CACNA2D3: variants seen among roughly 807,000 people sequenced by gnomAD.
The protein encoded by CACNA2D3 is calcium voltage-gated channel auxiliary subunit alpha2delta 3.
Under a neutral mutation model 160.6 loss-of-function variants are expected in CACNA2D3, and 60 were observed. That is an observed-to-expected ratio of 0.37 (90% confidence interval 0.30 to 0.46). The LOEUF (loss-of-function observed/expected upper bound fraction) is 0.46, where lower values mean the gene tolerates loss of function less well. CACNA2D3 is among the 20% of genes least tolerant of loss of function. The pLI is 1.00. For synonymous variants in CACNA2D3, 558 were observed against 492.9 expected (o/e 1.13, Z -1.75); for missense variants, 1,205 against 1,365.0 (o/e 0.88, Z 1.85).
chr3:54,674,135 C>A (rs1700201644), intron 11 of CACNA2D3, among the ~76,000 whole-genome samples: 1 of 152,190 alleles, frequency 6.6e-6, no homozygotes. Context: ...TATTTGGGAG[C>A]AGTAATAACA....
At chr3:54,128,679 G>A (rs1699646893) in intron 2 of CACNA2D3, among the ~76,000 whole-genome samples, 1 of 152,282 alleles carries the variant, frequency 6.6e-6, no homozygotes, top group South Asian at 2.1e-4. Context: ...TCCATCTTTT[G>A]TAGTCACAGT....
chr3:54,427,343 C>A (rs1198633848), intron 4 of CACNA2D3, among the ~76,000 whole-genome samples: 2 of 152,124 alleles, frequency 1.3e-5, no homozygotes, highest in Non-Finnish European at 2.9e-5. Flanking sequence ...GGTCTCCCAT[C>A]CAGAAAATGG....
chr3:54,201,466 C>T (rs540222076), intron 2 of CACNA2D3, among the ~76,000 whole-genome samples: 1 of 152,306 alleles, frequency 6.6e-6, no homozygotes, highest in East Asian at 1.9e-4. Context: ...AAGAACATTT[C>T]ACGTAGACTC....
intron 14 of CACNA2D3, among the ~76,000 whole-genome samples, chr3:54,823,446 C>T (rs776536653): frequency 6.6e-6 from 1 of 152,008 alleles, no homozygotes; most frequent in Non-Finnish European, 1.5e-5. Context: ...TTCAATAAAA[C>T]ATACCACTAC....
Position 54,288,994 on chromosome 3 carries a change from C to T in CACNA2D3, c.205-31448C>T, listed in dbSNP as rs1469832543. Among the ~76,000 whole-genome samples the T allele has an allele frequency of 8.5e-4, 130 of 152,238 alleles. 2 individuals carry two copies. Among genetic ancestry groups the T allele is most frequent in the Non-Finnish European group, 1.0e-4 (7 of 67,994 alleles). ...AATGGGCAAAAACTGGAAGCATTCC[C>T]TTTGAAAACTGGCACAAGACAGGGA... On this transcript the variant is annotated intron_variant, in intron 2 of 37. Transcript: ENST00000474759.
intron 2 of CACNA2D3, 70 bp downstream of exon 2, chr3:54,123,664 C>A: frequency 1.6e-6 from 2 of 1,275,766 alleles, no homozygotes; most frequent in South Asian, 1.2e-5. Flanking sequence ...TTTAGTTTTC[C>A]AAACAAACGT....
intron 35 of CACNA2D3, among the ~76,000 whole-genome samples, chr3:55,044,895 C>A (rs1414033100): frequency 6.6e-6 from 1 of 152,082 alleles, no homozygotes; most frequent in Non-Finnish European, 1.5e-5. Flanking sequence ...CTTCTTTAGT[C>A]TTTAGATAAT....
intron 13 of CACNA2D3, among the ~76,000 whole-genome samples, chr3:54,794,727 G>T (rs1041462984): frequency 6.6e-6 from 1 of 151,540 alleles, no homozygotes; most frequent in South Asian, 2.1e-4. Flanking sequence ...GGCTGCTCTA[G>T]GGTCATTTGG....
intron 5 of CACNA2D3, among the ~76,000 whole-genome samples, 176 bp from the exon 6 acceptor site, chr3:54,562,624 A>G (rs1702344381): frequency 6.6e-6 from 1 of 152,210 alleles, no homozygotes; most frequent in African/African-American, 2.4e-5. Flanking sequence ...CAGGAGGGGA[A>G]TCCCCAGCAT....
chr3:54,960,447 A>G (rs1469481103), intron 27 of CACNA2D3, among the ~76,000 whole-genome samples: 4 of 152,234 alleles, frequency 2.6e-5, no homozygotes. Flanking sequence ...CTTCACTTGC[A>G]CTAGGCTAAA....
At chr3:54,575,209 G>GTAAA (rs1176111256) in intron 8 of CACNA2D3, among the ~76,000 whole-genome samples, 1 of 152,214 alleles carries the variant, frequency 6.6e-6, no homozygotes, top group Non-Finnish European at 1.5e-5. Flanking sequence ...AAGTGCACCA[G>GTAAA]TAAAACTGTA....
chr3:54,197,313 C>T (rs1018509570), intron 2 of CACNA2D3: 7 of 152,118 alleles, frequency 4.6e-5, no homozygotes, highest in African/African-American at 1.7e-4. Context: ...TTGGAGAAGT[C>T]GAGGCTTGGG....
rs574323297 is a variant in CACNA2D3, at chr3:54,878,805, C to T, written c.1711-213C>T. On this transcript the variant is annotated intron_variant, in intron 18 of 37. Transcript: ENST00000474759. ...TTTTGTTATTGTCCTGAAGTTTACA[C>T]GAGCTCCCCAAATTAAAGATGAAGG... 73 of 400,426 alleles carry T rather than the reference C, an allele frequency of 1.8e-4. No homozygotes were observed. In the Admixed American group the frequency reaches 2.2e-3, roughly 12 times the overall value. The allele number at this position is 400,426 out of a possible 1,614,324, so 24.8% of individuals were successfully genotyped here.
At chr3:54,858,378 G>A (rs1699215946) in intron 17 of CACNA2D3, among the ~76,000 whole-genome samples, 1 of 152,050 alleles carries the variant, frequency 6.6e-6, no homozygotes, top group Non-Finnish European at 1.5e-5. Context: ...TAATTTAAAG[G>A]ACCATCTCAC....
At chr3:55,052,502 T>C (rs1312901369) in intron 35 of CACNA2D3, among the ~76,000 whole-genome samples, 1 of 152,038 alleles carries the variant, frequency 6.6e-6, no homozygotes, top group African/African-American at 2.4e-5. Context: ...CTATAAATGT[T>C]ACTTAGGTAA....
intron 27 of CACNA2D3, among the ~76,000 whole-genome samples, chr3:54,956,794 A>G (rs1219203511): frequency 6.6e-6 from 1 of 152,096 alleles, no homozygotes; most frequent in Non-Finnish European, 1.5e-5. Flanking sequence ...AATATTCTAG[A>G]GTGTTTAGGT....
chr3:54,394,059 C>T (rs1699329959), intron 4 of CACNA2D3, among the ~76,000 whole-genome samples: 1 of 152,166 alleles, frequency 6.6e-6, no homozygotes, highest in Non-Finnish European at 1.5e-5. Flanking sequence ...GTAGGCATCT[C>T]ATTCACTGGG....
intron 5 of CACNA2D3, among the ~76,000 whole-genome samples, chr3:54,510,870 C>T (rs1029765427): frequency 6.6e-6 from 1 of 152,188 alleles, no homozygotes; most frequent in African/African-American, 2.4e-5. Context: ...TGACTCAGCT[C>T]CCAGCAAACC....
At chr3:54,144,006 C>G (rs1292252268) in intron 2 of CACNA2D3, among the ~76,000 whole-genome samples, 1 of 152,030 alleles carries the variant, frequency 6.6e-6, no homozygotes, top group Non-Finnish European at 1.5e-5. Context: ...AAAATTTATC[C>G]TCTTCTTTGA....
Sources: gnomAD v4.1 joint callset for allele counts (sites outside exome capture counted in the v4.1 genomes callset) on GRCh38, gnomAD v4.1.1 for gene constraint, MANE v1.5 for transcripts, NCBI Gene and HGNC (gene_info 2026-07-23, HGNC 2026-07-21) for gene names.